Variants in KLHL38 observed in about 807,000 individuals in gnomAD.
KLHL38 encodes kelch-like protein 38.
A neutral mutation model predicts 39.6 loss-of-function variants in KLHL38; 38 were observed. That is an observed-to-expected ratio of 0.96 (90% CI 0.74 to 1.26). The LOEUF (loss-of-function observed/expected upper bound fraction) is 1.26, where lower values mean the gene tolerates loss of function less well. KLHL38 is among the 50% of genes most tolerant of loss of function. KLHL38 has a pLI of 0.00. For synonymous variants in KLHL38, 322 were observed against 302.2 expected (o/e 1.07, Z -0.68); for missense variants, 803 against 748.1 (o/e 1.07, Z -0.86).
chr8:123,652,745 G>A lies in KLHL38; in HGVS notation c.182C>T (p.Ala61Val). Residue 61 changes from alanine to valine, a missense_variant, in exon 2 of 4, where the codon GCT (alanine) becomes GTT (valine). Coordinates refer to ENST00000684634, the MANE Select transcript of KLHL38 (RefSeq NM_001081675.3). ...CTCCCGGAAGCTGCTGCAGAACATAGCCCTGAAGTAGGGGCTGCTGGAGGC... is the reference window on the plus strand; with the variant it reads ...CTCCCGGAAGCTGCTGCAGAACATAACCCTGAAGTAGGGGCTGCTGGAGGC... ...VLASSSPYFR[A>V]MFCSSFREKS... 1 of 1,614,198 alleles carries A rather than the reference G, an allele frequency of 6.2e-7. No homozygotes were observed. Among genetic ancestry groups the A allele is most frequent in the Non-Finnish European group, 8.5e-7 (1 of 1,180,016 alleles).
rs773031569 is a variant in KLHL38 at position 123,652,581 on chromosome 8, A to G, written c.346T>C (p.Phe116Leu). 1.9e-6 allele frequency: 3 copies of G among 1,614,192 alleles called. No homozygotes were observed. In the East Asian group the frequency reaches 6.7e-5, roughly 36 times the overall value. ...PVMEAASMLQFPKLFEACSSY... is the reference protein window; with the variant it reads ...PVMEAASMLQLPKLFEACSSY... ...GAGCAGGCCTCAAACAGCTTGGGGA[A>G]CTGTAGCATGGAGGCGGCCTCCATC... Residue 116 changes from phenylalanine (F) to leucine (L), a missense_variant, in exon 2 of 4, where the codon TTC (phenylalanine) becomes CTC (leucine). Transcript: ENST00000684634.
intron 2 of KLHL38, among the ~76,000 whole-genome samples, chr8:123,647,311 T>C (rs13252050): frequency 0.84 from 128,347 of 152,178 alleles, 54,387 homozygotes; most frequent in Non-Finnish European, 0.88. Flanking sequence ...GAACATGTTT[T>C]TCTTTTAATG....
chr8:123,650,305 A>AGCTAAAAAAAATC (rs1303869857), intron 2 of KLHL38, among the ~76,000 whole-genome samples: 1 of 152,176 alleles, frequency 6.6e-6, no homozygotes, highest in South Asian at 2.1e-4. Context: ...ATAGCTGATG[A>AGCTAAAAAAAATC]GCTAAAAAAA....
chr8:123,646,102 G>A (rs906986874), intron 3 of KLHL38, 74 bp from the exon 4 acceptor site: 12 of 1,342,648 alleles, frequency 8.9e-6, no homozygotes, highest in Admixed American at 5.2e-5. Context: ...CCTGGGACGC[G>A]TCTGACTCCT....
rs1335842198 is a variant in KLHL38, at chr8:123,645,432, A to G, written c.*307T>C. 1.1e-5 allele frequency: 4 copies of G among 372,044 alleles called. No individual in the cohort carries two copies. The highest frequency in any genetic ancestry group is 4.2e-5 in the African/African-American group (2 of 47,452). 23.0% of individuals were successfully genotyped at this position (372,044 alleles called of 1,614,324 possible). A position where few individuals can be genotyped will look rare whatever the true frequency, so the allele number is the denominator to read the frequency against. ...AGCCTGGGCTACAGAGTGAAACTCC[A>G]TCTCAAAAAAAAGAAAAAGAGAGAG... On this transcript the variant is annotated 3_prime_UTR_variant, in exon 4 of 4. Coordinates refer to ENST00000684634, the MANE Select transcript of KLHL38 (RefSeq NM_001081675.3).
intron 2 of KLHL38, among the ~76,000 whole-genome samples, chr8:123,649,389 G>A (rs973143986): frequency 6.6e-6 from 1 of 151,960 alleles, no homozygotes; most frequent in Admixed American, 6.6e-5. Flanking sequence ...GAAAATAATG[G>A]CTGGAGAAGT....
chr8:123,647,017 G>A lies in KLHL38; in HGVS notation c.1351-3C>T. ...GAGTTTCTGGAAATGTGATAAACCT[G>A]AGGGAGAGAGAGAATCATGGCACTG... On this transcript the variant is annotated splice_polypyrimidine_tract_variant and splice_region_variant and intron_variant, in intron 2 of 3. Coordinates refer to ENST00000684634, the MANE Select transcript of KLHL38 (RefSeq NM_001081675.3). 3 of 1,502,472 alleles carry A rather than the reference G, an allele frequency of 2.0e-6. No individual in the cohort carries two copies. Among genetic ancestry groups the A allele is most frequent in the South Asian group, 2.3e-5 (2 of 87,988 alleles). 93.1% of individuals were successfully genotyped at this position (1,502,472 alleles called of 1,614,324 possible). A position where few individuals can be genotyped will look rare whatever the true frequency, so the allele number is the denominator to read the frequency against.
intron 3 of KLHL38, 148 bp downstream of exon 3, chr8:123,646,761 T>G: frequency 3.6e-6 from 2 of 557,590 alleles, no homozygotes; most frequent in South Asian, 2.8e-5. Flanking sequence ...GAGGAGAGAG[T>G]TTTGTCAGAT....
chr8:123,646,103 T>A lies in KLHL38; in HGVS notation c.1457-75A>T, dbSNP rs112652834. The A allele has an allele frequency of 2.1e-3, 2,857 of 1,341,086 alleles. 70 individuals are homozygous for A. The African/African-American group carries it at 0.037, about 17-fold the overall frequency. The allele number at this position is 1,341,086 out of a possible 1,614,324, so 83.1% of individuals were successfully genotyped here. The stretch of plus-strand genomic sequence containing the variant: ...TGGAGGTCAGCAGTCCTGGGACGCG[T>A]CTGACTCCTGCCACTGCGTAAGGCT... On this transcript the variant is annotated intron_variant, in intron 3 of 3. Coordinates refer to ENST00000684634, the MANE Select transcript of KLHL38 (RefSeq NM_001081675.3).
At position 123,651,461 on chromosome 8, in the gene KLHL38, CAT is replaced by C. The variant is rs2129751226; in HGVS notation, c.1350+114_1350+115del. 3 of 1,040,696 alleles carry C rather than the reference CAT, an allele frequency of 2.9e-6. No homozygotes were observed. The East Asian group carries it at 7.3e-5, about 25-fold the overall frequency. 64.5% of individuals were successfully genotyped at this position (1,040,696 alleles called of 1,614,324 possible). On this transcript the variant is annotated intron_variant, in intron 2 of 3. Transcript: ENST00000684634. Reference sequence around the variant, plus strand: ...ATGTGTGCATATATATATTTATGTGCATATATGTGTTTTTTGGTGTGTATGTA... The same window carrying C: ...ATGTGTGCATATATATATTTATGTGCATATGTGTTTTTTGGTGTGTATGTA...
At position 123,645,864 on chromosome 8, in the gene KLHL38, C is replaced by A. The variant is rs375307692; in HGVS notation, c.1621G>T (p.Ala541Ser). ...LTTDCNIEDS[A>S]SFDCYDPETD... ...TCGGGGTCGTAGCAATCGAAGGAGGCGGAGTCCTCAATGTTGCAGTCCGTG... is the reference window on the plus strand; with the variant it reads ...TCGGGGTCGTAGCAATCGAAGGAGGAGGAGTCCTCAATGTTGCAGTCCGTG... The change falls in exon 4 of 4, where the codon GCC becomes TCC. Residue 541 changes from alanine to serine, a missense_variant. Coordinates refer to ENST00000684634, the MANE Select transcript of KLHL38 (RefSeq NM_001081675.3). 2 of 1,613,714 alleles carry A rather than the reference C, an allele frequency of 1.2e-6. No homozygotes were observed. Among genetic ancestry groups the A allele is most frequent in the African/African-American group, 2.7e-5 (2 of 74,790 alleles).
chr8:123,653,455 T>C (rs1049945935), intron 1 of KLHL38, among the ~76,000 whole-genome samples, 131 bp downstream of exon 1: 1 of 152,210 alleles, frequency 6.6e-6, no homozygotes, highest in Non-Finnish European at 1.5e-5. Context: ...GATGCATATA[T>C]TTAAATATGA....
chr8:123,651,894 C>T lies in KLHL38; in HGVS notation c.1033G>A (p.Gly345Arg), dbSNP rs1426806469. Residue 345 changes from glycine (G) to arginine (R), a missense_variant, in exon 2 of 4, where the codon GGG (glycine) becomes AGG (arginine). Transcript: ENST00000684634. ...YVLGGMAVSS[G>R]RSLVSHNVYI... ...ACATTGTGACTGACCAGACTCCTCCCTGAGCTGACAGCCATGCCCCCCAGC... is the reference window on the plus strand; with the variant it reads ...ACATTGTGACTGACCAGACTCCTCCTTGAGCTGACAGCCATGCCCCCCAGC... The T allele has an allele frequency of 6.2e-7, 1 of 1,614,202 alleles. No homozygotes were observed. Among genetic ancestry groups the T allele is most frequent in the Non-Finnish European group, 8.5e-7 (1 of 1,179,996 alleles).
At position 123,653,571 on chromosome 8, in the gene KLHL38, A is replaced by T. The variant is rs1812696218; in HGVS notation, c.-2+15T>A. On this transcript the variant is annotated intron_variant, in intron 1 of 3. Coordinates refer to ENST00000684634, the MANE Select transcript of KLHL38 (RefSeq NM_001081675.3). ...TTTTCTACTTGCAGAAGAAATAAGT[A>T]TGAGGGACACTTACCTTGTTTTGCT... Among the ~76,000 whole-genome samples the T allele has an allele frequency of 6.6e-6, 1 of 152,234 alleles. No homozygotes were observed. Among genetic ancestry groups the T allele is most frequent in the Non-Finnish European group, 1.5e-5 (1 of 68,042 alleles).
rs766620120 is a variant in KLHL38, at chr8:123,653,666, A to T, written c.-82T>A. On this transcript the variant is annotated 5_prime_UTR_variant, in exon 1 of 4. Coordinates refer to ENST00000684634, the MANE Select transcript of KLHL38 (RefSeq NM_001081675.3). ...AGTTTCTACCTCTAGCTCCAAGGGA[A>T]ACCATAAACCCCAGGCCTTTCTTTC... is the stretch of plus-strand genomic sequence containing the variant. Among the ~76,000 whole-genome samples, 56 of 152,300 alleles carry T rather than the reference A, an allele frequency of 3.7e-4. No individual in the cohort carries two copies. The highest frequency in any genetic ancestry group is 5.7e-4 in the Non-Finnish European group (39 of 68,010).
At position 123,652,430 on chromosome 8, in the gene KLHL38, A is replaced by C. The variant is rs1225713099; in HGVS notation, c.497T>G (p.Val166Gly). ...REVALTSFPE[V>G]AASADLKELC... ...CTCCTTCAGGTCGGCCGATGCGGCC[A>C]CCTCTGGGAAGGACGTCAGTGCCAC... Residue 166 changes from valine to glycine, a missense_variant, in exon 2 of 4, where the codon GTG (valine) becomes GGG (glycine). Coordinates refer to ENST00000684634, the MANE Select transcript of KLHL38 (RefSeq NM_001081675.3). The C allele has an allele frequency of 6.2e-7, 1 of 1,614,052 alleles. No individual in the cohort carries two copies. Among genetic ancestry groups the C allele is most frequent in the East Asian group, 2.2e-5 (1 of 44,858 alleles).
chr8:123,646,070 T>G (rs767392182), intron 3 of KLHL38, 42 bp from the exon 4 acceptor site: 21 of 1,577,630 alleles, frequency 1.3e-5, no homozygotes, highest in Non-Finnish European at 1.8e-5. Flanking sequence ...GTGTTGCTCA[T>G]CTGGGACTGG....
At position 123,652,213 on chromosome 8, in the gene KLHL38, G is replaced by T; in HGVS notation, c.714C>A (p.Asn238Lys). ...HPAFFHHFIANDALLQSSPAC... is the reference protein window; with the variant it reads ...HPAFFHHFIAKDALLQSSPAC... ...CAGGCGAGGACTGCAGGAGGGCATC[G>T]TTGGCGATGAAGTGGTGAAAGAAGG... The change falls in exon 2 of 4, where the codon AAC (asparagine) becomes AAA (lysine). Residue 238 changes from asparagine (N) to lysine (K), a missense_variant. By Grantham distance (94) the Asn-to-Lys change is moderately conservative. Coordinates refer to ENST00000684634, the MANE Select transcript of KLHL38 (RefSeq NM_001081675.3). 1 of 1,614,208 alleles carries T rather than the reference G, an allele frequency of 6.2e-7. No individual in the cohort carries two copies. The highest frequency in any genetic ancestry group is 8.5e-7 in the Non-Finnish European group (1 of 1,180,036).
In KLHL38 at chr8:123,645,933, C is replaced by T; in HGVS notation, c.1552G>A (p.Val518Met). ...KDRRMHHGATVMGNKLYVTGG... is the reference protein window; with the variant it reads ...KDRRMHHGATMMGNKLYVTGG... ...GTCACGTAGAGTTTGTTTCCCATCACTGTGGCCCCATGGTGCATCCTCCGG... is the reference window on the plus strand; with the variant it reads ...GTCACGTAGAGTTTGTTTCCCATCATTGTGGCCCCATGGTGCATCCTCCGG... The change falls in exon 4 of 4, where the codon GTG (valine) becomes ATG (methionine). Residue 518 changes from valine (V) to methionine (M), a missense_variant. Transcript: ENST00000684634. 6.2e-7 allele frequency: 1 copy of T among 1,614,198 alleles called. No individual in the cohort carries two copies. The highest frequency in any genetic ancestry group is 8.5e-7 in the Non-Finnish European group (1 of 1,180,036).
Sources: gnomAD v4.1 joint callset for allele counts (sites outside exome capture counted in the v4.1 genomes callset) on GRCh38, gnomAD v4.1.1 for gene constraint, MANE v1.5 for transcripts, NCBI Gene and HGNC (gene_info 2026-07-23, HGNC 2026-07-21) for gene names.